SRP9: variants seen among roughly 807,000 people sequenced by gnomAD.
SRP9 encodes the protein signal recognition particle 9.
A neutral mutation model predicts 11.7 loss-of-function variants in SRP9; 2 were observed. That is an observed-to-expected ratio of 0.17 (90% CI 0.07 to 0.54). The LOEUF (loss-of-function observed/expected upper bound fraction) is 0.54. SRP9 is among the 20% of genes least tolerant of loss of function. The probability of loss-of-function intolerance (pLI) is 0.94; values close to 1 mark genes in which losing one functional copy is unlikely to be tolerated. For synonymous variants in SRP9, 27 were observed against 35.6 expected (o/e 0.76, Z 0.86); for missense variants, 54 against 108.1 (o/e 0.50, Z 2.22).
rs1182088510 is a variant in SRP9 at position 225,790,083 on chromosome 1, C to T, written c.*724C>T. The T allele has an allele frequency of 6.6e-6, 1 of 152,136 alleles. No homozygotes were observed. The highest frequency in any genetic ancestry group is 2.4e-5 in the African/African-American group (1 of 41,416). 9.4% of individuals were successfully genotyped at this position (152,136 alleles called of 1,614,324 possible). ...CTGTGCTATAATGTACTGAAACCAC[C>T]ATATTACAGAAATATTTACTACATA... On this transcript the variant is annotated 3_prime_UTR_variant, in exon 3 of 3. Transcript: ENST00000304786.
intron 2 of SRP9, 23 bp from the exon 3 acceptor site, chr1:225,789,217 T>A (rs1442125283): frequency 6.9e-6 from 11 of 1,605,188 alleles, no homozygotes; most frequent in Non-Finnish European, 9.4e-6. Flanking sequence ...ATAGTTAATA[T>A]GTACTTCTAA....
intron 2 of SRP9, among the ~76,000 whole-genome samples, chr1:225,785,924 G>A (rs1276461769): frequency 6.6e-6 from 1 of 152,096 alleles, no homozygotes; most frequent in African/African-American, 2.4e-5. Flanking sequence ...GACCTCAAGC[G>A]ATCCACCCAC....
rs528693463 is a variant in SRP9, at chr1:225,790,138, A to G, written c.*779A>G. 1.3e-5 allele frequency: 2 copies of G among 152,326 alleles called. No homozygotes were observed. The highest frequency in any genetic ancestry group is 2.9e-5 in the Non-Finnish European group (2 of 68,020). 9.4% of individuals were successfully genotyped at this position (152,326 alleles called of 1,614,324 possible). On this transcript the variant is annotated 3_prime_UTR_variant, in exon 3 of 3. Transcript: ENST00000304786. Reference sequence around the variant, plus strand: ...CCATCTGTAGTTTCTCAGAAGGGCTATGGATTAGTTTGAACTGTCAAATCC... The same window carrying G: ...CCATCTGTAGTTTCTCAGAAGGGCTGTGGATTAGTTTGAACTGTCAAATCC...
intron 2 of SRP9, among the ~76,000 whole-genome samples, chr1:225,785,055 A>G (rs1665877764): frequency 6.6e-6 from 1 of 151,604 alleles, no homozygotes. Context: ...GATTACACAC[A>G]TGGGCCACAG....
intron 2 of SRP9, among the ~76,000 whole-genome samples, chr1:225,785,481 C>T (rs573211755): frequency 2.7e-5 from 4 of 150,020 alleles, no homozygotes; most frequent in South Asian, 2.1e-4. Context: ...CCTGGGTTCA[C>T]GCCATTCTCC....
intron 1 of SRP9, among the ~76,000 whole-genome samples, chr1:225,781,894 T>C (rs1183343066): frequency 6.6e-6 from 1 of 152,218 alleles, no homozygotes; most frequent in Non-Finnish European, 1.5e-5. Flanking sequence ...ATAATTAACC[T>C]AGTTACTACT....
At chr1:225,778,319 C>T (rs1251375345) in intron 1 of SRP9, among the ~76,000 whole-genome samples, 1 of 152,234 alleles carries the variant, frequency 6.6e-6, no homozygotes, top group Non-Finnish European at 1.5e-5. Flanking sequence ...AGCCAGGGCT[C>T]CTCCCCCTGC....
At chr1:225,780,434 C>T (rs1353699329) in intron 1 of SRP9, among the ~76,000 whole-genome samples, 2 of 152,052 alleles carry the variant, frequency 1.3e-5, no homozygotes, top group Non-Finnish European at 2.9e-5. Context: ...GGCTGGAGGG[C>T]AGTGGCGCCA....
intron 2 of SRP9, among the ~76,000 whole-genome samples, chr1:225,784,229 C>CTTTTTTTTTTTTTTTTTTTTTTT (rs561503475): frequency 1.2e-4 from 4 of 34,420 alleles, no homozygotes; most frequent in Admixed American, 4.6e-4. Flanking sequence ...ATCACCTGTT[C>CTTTTTTTTTTTTTTTTTTTTTTT]TTTTTTTTTT....
chr1:225,780,347 G>A (rs1458857450), intron 1 of SRP9, among the ~76,000 whole-genome samples: 1 of 151,944 alleles, frequency 6.6e-6, no homozygotes, highest in East Asian at 1.9e-4. Flanking sequence ...GAGGGGAGAG[G>A]ATGAGTGTAG....
At position 225,788,152 on chromosome 1, in the gene SRP9, A is replaced by C. The variant is rs185154024; in HGVS notation, c.142-1088A>C. On this transcript the variant is annotated intron_variant, in intron 2 of 2. Coordinates refer to ENST00000304786, the MANE Select transcript of SRP9 (RefSeq NM_003133.6). ...TCTTAAGTATCTAGTGAAGAATTTA[A>C]CTGCTAACAAGGAAGAATTTGGTTT... is the stretch of plus-strand genomic sequence containing the variant. 1.1e-3 allele frequency among the ~76,000 whole-genome samples: 170 copies of C among 152,298 alleles called. 4 individuals carry two copies. The East Asian group carries it at 0.021, about 19-fold the overall frequency.
In SRP9 at chr1:225,789,507, T is replaced by C. The variant is rs1350647923; in HGVS notation, c.*148T>C. The C allele has an allele frequency of 2.5e-5, 22 of 868,482 alleles. No individual in the cohort carries two copies. Among genetic ancestry groups the C allele is most frequent in the Non-Finnish European group, 3.7e-5 (22 of 594,912 alleles). The allele number at this position is 868,482 out of a possible 1,614,324, so 53.8% of individuals were successfully genotyped here. A position where few individuals can be genotyped will look rare whatever the true frequency, so the allele number is the denominator to read the frequency against. On this transcript the variant is annotated 3_prime_UTR_variant, in exon 3 of 3. Transcript: ENST00000304786. ...TTTTTGTAATTTTCTTTTTAATTAC[T>C]TTAGAGAGCTAGGGATGCAAATGTT...
In SRP9 at chr1:225,777,867, C is replaced by T; in HGVS notation, c.-74C>T. 7.7e-6 allele frequency: 11 copies of T among 1,435,858 alleles called. 1 individual carries two copies. The highest frequency in any genetic ancestry group is 3.7e-5 in the Admixed American group (2 of 53,846). The allele number at this position is 1,435,858 out of a possible 1,614,324, so 88.9% of individuals were successfully genotyped here. ...TGCTGGGACTCGCGTCGGTTGGCGACTCCCGGACGTAGGTAGTTTGTTGGG... is the reference window on the plus strand; with the variant it reads ...TGCTGGGACTCGCGTCGGTTGGCGATTCCCGGACGTAGGTAGTTTGTTGGG... On this transcript the variant is annotated 5_prime_UTR_variant, in exon 1 of 3. Transcript: ENST00000304786.
intron 2 of SRP9, 84 bp downstream of exon 2, chr1:225,783,452 G>A (rs990972987): frequency 5.3e-6 from 6 of 1,135,988 alleles, no homozygotes; most frequent in Non-Finnish European, 7.8e-6. Context: ...TAGAGTTTAT[G>A]GAGATTACCC....
chr1:225,786,941 C>CTTGCTT, intron 2 of SRP9: 1 of 642,270 alleles, frequency 1.6e-6, no homozygotes, highest in Non-Finnish European at 2.4e-6. Context: ...CTCCTGGGCT[C>CTTGCTT]AAGCGGTCCT....
rs1484394846 is a variant in SRP9 at position 225,780,859 on chromosome 1, C to G, written c.73-2441C>G. 1.3e-5 allele frequency among the ~76,000 whole-genome samples: 2 copies of G among 152,176 alleles called. 1 individual carries two copies. ...GCATTACCACTGGATTATGTAATAA[C>G]CTCTTTGTTGGTCTGTCAGCCTTTT... On this transcript the variant is annotated intron_variant, in intron 1 of 2. Transcript: ENST00000304786.
At chr1:225,787,813 G>C (rs1665947732) in intron 2 of SRP9, among the ~76,000 whole-genome samples, 1 of 152,158 alleles carries the variant, frequency 6.6e-6, no homozygotes, top group Non-Finnish European at 1.5e-5. Context: ...TGATGATGAA[G>C]ATTAATATGG....
intron 1 of SRP9, among the ~76,000 whole-genome samples, chr1:225,781,781 A>G (rs904498287): frequency 6.6e-6 from 1 of 152,192 alleles, no homozygotes; most frequent in African/African-American, 2.4e-5. Context: ...CATAGTTGTC[A>G]TGCTTAGTAT....
At position 225,779,748 on chromosome 1, in the gene SRP9, G is replaced by A. The variant is rs1350402531; in HGVS notation, c.72+1736G>A. Among the ~76,000 whole-genome samples, 3 of 152,110 alleles carry A rather than the reference G, an allele frequency of 2.0e-5. No individual in the cohort carries two copies. The East Asian group carries it at 5.8e-4, about 29-fold the overall frequency. On this transcript the variant is annotated intron_variant, in intron 1 of 2. Transcript: ENST00000304786. ...ATTGAGTAATTTGTTTATAACACTGGTGACTTCTGGTTGCTTCATTTGGTT... is the reference window on the plus strand; with the variant it reads ...ATTGAGTAATTTGTTTATAACACTGATGACTTCTGGTTGCTTCATTTGGTT...
Sources: gnomAD v4.1 joint callset for allele counts (sites outside exome capture counted in the v4.1 genomes callset) on GRCh38, gnomAD v4.1.1 for gene constraint, MANE v1.5 for transcripts, NCBI Gene and HGNC (gene_info 2026-07-23, HGNC 2026-07-21) for gene names.